Variants in SMARCA2 observed in about 807,000 individuals in gnomAD.
SMARCA2 encodes SWI/SNF related BAF chromatin remodeling complex subunit ATPase 2.
A neutral mutation model predicts 199.8 loss-of-function variants in SMARCA2; 61 were observed. The ratio of observed to expected loss-of-function variants is 0.31; its 90% CI spans 0.25 to 0.38. SMARCA2 has a LOEUF of 0.38. Ranked by LOEUF, SMARCA2 falls within the 10% of genes least tolerant of loss-of-function variation. The pLI is 1.00. For missense variants in SMARCA2, 1,344 were observed against 2,012.2 expected, an observed-to-expected ratio of 0.67 and a Z score of 6.35; for synonymous variants, 935 against 732.0, an observed-to-expected ratio of 1.28 and a Z score of -4.48.
chr9:2,051,354 C>T (rs779321349), intron 5 of SMARCA2, among the ~76,000 whole-genome samples: 1 of 152,120 alleles, frequency 6.6e-6, no homozygotes, highest in African/African-American at 2.4e-5. Flanking sequence ...TAACTGGGCT[C>T]CTTGGAGAAG....
intron 2 of SMARCA2, among the ~76,000 whole-genome samples, chr9:2,029,452 G>A (rs1818968020): frequency 6.6e-6 from 1 of 152,150 alleles, no homozygotes; most frequent in African/African-American, 2.4e-5. Context: ...ATCAGATGTT[G>A]GCTTTTTAAA....
intron 14 of SMARCA2, 75 bp from the exon 15 acceptor site, chr9:2,081,757 C>G (rs1821576756): frequency 7.3e-7 from 1 of 1,363,044 alleles, no homozygotes; most frequent in East Asian, 2.3e-5. Context: ...AGAAGTCACA[C>G]CCTCACTTGG....
Position 2,192,856 on chromosome 9 carries a change from TAA to T in SMARCA2, c.*119_*120del. On this transcript the variant is annotated 3_prime_UTR_variant, in exon 34 of 34. Transcript: ENST00000349721. ...GTTGTTTCTATATCATCATCGTCTA[TAA>T]ACTAGCTTTAGGATAGTGCCAGACA... The T allele has an allele frequency of 1.3e-6, 1 of 758,772 alleles. No individual in the cohort carries two copies. Among genetic ancestry groups the T allele is most frequent in the Non-Finnish European group, 2.4e-6 (1 of 425,404 alleles). The allele number at this position is 758,772 out of a possible 1,614,324, so 47.0% of individuals were successfully genotyped here.
chr9:2,133,267 C>T (rs1220531838), intron 27 of SMARCA2, among the ~76,000 whole-genome samples: 4 of 152,108 alleles, frequency 2.6e-5, no homozygotes, highest in African/African-American at 9.7e-5. Context: ...AGGAATATGT[C>T]TATCTGAATC....
intron 27 of SMARCA2, among the ~76,000 whole-genome samples, chr9:2,155,358 C>G (rs999357504): frequency 1.3e-5 from 2 of 152,128 alleles, no homozygotes; most frequent in Non-Finnish European, 2.9e-5. Context: ...TCTCGGCTCA[C>G]TGCAGCCTCC....
intron 7 of SMARCA2, chr9:2,058,055 G>T: frequency 2.5e-6 from 1 of 392,678 alleles, no homozygotes; most frequent in Non-Finnish European, 4.7e-6. Context: ...CAAGGCTAAG[G>T]AGGCTTCTCT....
intron 25 of SMARCA2, among the ~76,000 whole-genome samples, chr9:2,116,334 T>C (rs1823215814): frequency 6.6e-6 from 1 of 152,206 alleles, no homozygotes; most frequent in Non-Finnish European, 1.5e-5. Flanking sequence ...AGTGCTGCCT[T>C]CTGTAGGGCA....
At chr9:2,180,181 TTAAACC>T (rs1826920401) in intron 29 of SMARCA2, among the ~76,000 whole-genome samples, 1 of 152,170 alleles carries the variant, frequency 6.6e-6, no homozygotes, top group Non-Finnish European at 1.5e-5. Flanking sequence ...TGCAGTCTTC[TTAAACC>T]TCTTGCGTTC....
intron 28 of SMARCA2, among the ~76,000 whole-genome samples, chr9:2,166,260 A>G (rs1825925663): frequency 6.6e-6 from 1 of 152,160 alleles, no homozygotes; most frequent in Non-Finnish European, 1.5e-5. Flanking sequence ...TGGCGCCCAG[A>G]ACTCCAATGG....
At chr9:2,031,659 C>T (rs945816674) in intron 2 of SMARCA2, among the ~76,000 whole-genome samples, 1 of 151,952 alleles carries the variant, frequency 6.6e-6, no homozygotes. Context: ...CTCTTAAATA[C>T]TCCCTCTTTT....
Position 2,029,160 on chromosome 9 carries a change from A to G in SMARCA2, c.138A>G (p.Pro46=), listed in dbSNP as rs1440530813. ...GTTCCGTCCACAGCATGATGGGGCC[A>G]AGTCCTGGACCTCCAAGTGTCTCCC... is the stretch of plus-strand genomic sequence containing the variant. ...SPGSVHSMMG[P]SPGPPSVSHP... Residue 46 remains proline, a synonymous_variant, in exon 2 of 34, where the codon CCA becomes CCG. Transcript: ENST00000349721. The G allele has an allele frequency of 6.2e-7, 1 of 1,613,204 alleles. No homozygotes were observed. Among genetic ancestry groups the G allele is most frequent in the Non-Finnish European group, 8.5e-7 (1 of 1,179,644 alleles).
rs114098456 is a variant in SMARCA2, at chr9:2,155,948, G to A, written c.3982-5738G>A. Among the ~76,000 whole-genome samples the A allele has an allele frequency of 5.2e-3, 796 of 151,926 alleles. 9 individuals carry two copies. The highest frequency in any genetic ancestry group is 0.017 in the African/African-American group (722 of 41,450). On this transcript the variant is annotated intron_variant, in intron 27 of 33. Coordinates refer to ENST00000349721, the MANE Select transcript of SMARCA2 (RefSeq NM_003070.5). ...AATGAAATACGAAACAGAGTCTGTT[G>A]AGTTAATGTCATCAGTTTATTGAAC...
Position 2,170,204 on chromosome 9 carries a change from A to C in SMARCA2, c.4200-215A>C, listed in dbSNP as rs1315112391. On this transcript the variant is annotated intron_variant, in intron 28 of 33. Transcript: ENST00000349721. This position sits in a 1 kb window ranked among gnomAD's most constrained non-coding sequence, Gnocchi z 4.7. Reference sequence around the variant, plus strand: ...TGTGTGACGGAAGTAGGAAAATCCCAGAAAGGTTAGGAAATCCACTTCCCC... The same window carrying C: ...TGTGTGACGGAAGTAGGAAAATCCCCGAAAGGTTAGGAAATCCACTTCCCC... 6.6e-6 allele frequency among the ~76,000 whole-genome samples: 1 copy of C among 152,160 alleles called. No homozygotes were observed. The highest frequency in any genetic ancestry group is 1.5e-5 in the Non-Finnish European group (1 of 68,018).
At chr9:2,062,981 G>A (rs1015357018) in intron 9 of SMARCA2, among the ~76,000 whole-genome samples, 4 of 152,158 alleles carry the variant, frequency 2.6e-5, no homozygotes, top group African/African-American at 7.2e-5. Context: ...TGTCAAAGCA[G>A]CTACTGTCTA....
chr9:2,166,765 T>A (rs1257122056), intron 28 of SMARCA2, among the ~76,000 whole-genome samples: 1 of 152,188 alleles, frequency 6.6e-6, no homozygotes, highest in African/African-American at 2.4e-5. Context: ...CAGTAATCCT[T>A]AAGGTTGGCT....
At chr9:2,043,489 T>G (rs921397947) in intron 4 of SMARCA2, 9 of 152,224 alleles carry the variant, frequency 5.9e-5, no homozygotes, top group Non-Finnish European at 1.3e-4. Flanking sequence ...AAATGGGAAC[T>G]GAAAAAATTT....
chr9:2,099,484 C>T (rs766251425), intron 21 of SMARCA2, among the ~76,000 whole-genome samples: 5 of 152,052 alleles, frequency 3.3e-5, no homozygotes, highest in Non-Finnish European at 7.4e-5. Flanking sequence ...TGCCTTCTGT[C>T]CTCCAGCTTC....
chr9:2,115,505 G>A lies in SMARCA2; in HGVS notation c.3457-317G>A, dbSNP rs1393149023. On this transcript the variant is annotated intron_variant, in intron 24 of 33. Transcript: ENST00000349721. This position sits in a 1 kb window ranked among gnomAD's most constrained non-coding sequence, Gnocchi z 6.0. Reference sequence around the variant, plus strand: ...GTCATAATTCTGACATTGGACATTGGTGTCTTGTTTAATGTTTTAGATATG... The same window carrying A: ...GTCATAATTCTGACATTGGACATTGATGTCTTGTTTAATGTTTTAGATATG... Among the ~76,000 whole-genome samples, 1 of 152,164 alleles carries A rather than the reference G, an allele frequency of 6.6e-6. No individual in the cohort carries two copies. The highest frequency in any genetic ancestry group is 1.5e-5 in the Non-Finnish European group (1 of 68,030).
chr9:2,179,654 CTTAT>C lies in SMARCA2; in HGVS notation c.4254-1910_4254-1907del, dbSNP rs201423148. ...ACTATCGGTCACAAACTGCTTATTT[CTTAT>C]TTATTTCACCAGTAGCACAGTTAAA... is the stretch of plus-strand genomic sequence containing the variant. On this transcript the variant is annotated intron_variant, in intron 29 of 33. Transcript: ENST00000349721. 9.2e-3 allele frequency among the ~76,000 whole-genome samples: 1,401 copies of C among 152,248 alleles called. 19 individuals are homozygous for C. The highest frequency in any genetic ancestry group is 0.028 in the African/African-American group (1,161 of 41,536).
Sources: gnomAD v4.1 joint callset for allele counts (sites outside exome capture counted in the v4.1 genomes callset) on GRCh38, gnomAD v4.1.1 for gene constraint, Gnocchi (gnomAD v3.1) non-coding constraint, MANE v1.5 for transcripts, NCBI Gene and HGNC (gene_info 2026-07-23, HGNC 2026-07-21) for gene names.